Variants in ZNF385D observed in about 807,000 individuals in gnomAD.
ZNF385D encodes the protein zinc finger protein 385D.
In ZNF385D, 15 loss-of-function variants were observed where a neutral mutation model predicts 35.8. The ratio of observed to expected loss-of-function variants is 0.42; its 90% CI spans 0.28 to 0.64. ZNF385D has a LOEUF of 0.64. Among genes scored for constraint, ZNF385D ranks in the 30% least tolerant of loss-of-function variants. The pLI, the probability that ZNF385D is intolerant of heterozygous loss-of-function variation, is 0.23. For synonymous variants in ZNF385D, 212 were observed against 186.8 expected, an observed-to-expected ratio of 1.13 and a Z score of -1.10; for missense variants, 474 against 494.6, an observed-to-expected ratio of 0.96 and a Z score of 0.39.
chr3:21,583,379 T>TATC (rs1400943447), intron 2 of ZNF385D, among the ~76,000 whole-genome samples: 1 of 152,166 alleles, frequency 6.6e-6, no homozygotes, highest in African/African-American at 2.4e-5. Context: ...TAGAATATAC[T>TATC]ATCATCTTAA....
intron 3 of ZNF385D, among the ~76,000 whole-genome samples, chr3:21,756,218 G>T (rs759335435): frequency 2.6e-5 from 4 of 152,192 alleles, no homozygotes; most frequent in Admixed American, 6.5e-5. Context: ...AAACAGTGGC[G>T]GTAGAAAAAG....
chr3:21,609,552 T>G (rs1575313466), intron 2 of ZNF385D, among the ~76,000 whole-genome samples: 1 of 152,310 alleles, frequency 6.6e-6, no homozygotes, highest in South Asian at 2.1e-4. Context: ...AACAAACATG[T>G]CTTCCCATCA....
rs187547765 is a variant in ZNF385D, at chr3:22,005,025, G to A, written c.325+163792C>T. ...CTGAGACCTGCCTTAGATATTTGGGGTTAATACAAGGAACTCAAACCACTC... is the reference window on the plus strand; with the variant it reads ...CTGAGACCTGCCTTAGATATTTGGGATTAATACAAGGAACTCAAACCACTC... On this transcript the variant is annotated intron_variant, in intron 3 of 5. Coordinates refer to the ZNF385D transcript ENST00000494108. Among the ~76,000 whole-genome samples, 295 of 124,080 alleles carry A rather than the reference G, an allele frequency of 2.4e-3. 2 individuals are homozygous for A. The highest frequency in any genetic ancestry group is 8.3e-3 in the African/African-American group (287 of 34,696). 81.4% of individuals were successfully genotyped at this position (124,080 alleles called of 152,430 possible).
chr3:22,155,303 TTTGA>T (rs1705515103), intron 3 of ZNF385D, among the ~76,000 whole-genome samples: 1 of 152,108 alleles, frequency 6.6e-6, no homozygotes, highest in Non-Finnish European at 1.5e-5. Flanking sequence ...GGGTCTCCGC[TTTGA>T]TTTTTTTTCC....
chr3:22,261,799 C>T (rs1202083108), intron 2 of ZNF385D, among the ~76,000 whole-genome samples: 1 of 148,500 alleles, frequency 6.7e-6, no homozygotes, highest in Non-Finnish European at 1.5e-5. Flanking sequence ...AATAAGGTCT[C>T]TCTCTGAGTT....
At chr3:22,006,651 A>C (rs1260963442) in intron 3 of ZNF385D, among the ~76,000 whole-genome samples, 2 of 152,072 alleles carry the variant, frequency 1.3e-5, no homozygotes, top group Admixed American at 1.3e-4. Flanking sequence ...AAGAAAATAG[A>C]AGAGACATTA....
At chr3:21,818,206 G>T (rs547118080) in intron 3 of ZNF385D, among the ~76,000 whole-genome samples, 1 of 152,260 alleles carries the variant, frequency 6.6e-6, no homozygotes. Context: ...GGGAGGGATA[G>T]CACTAGGAGA....
intron 3 of ZNF385D, among the ~76,000 whole-genome samples, chr3:21,953,419 A>C (rs1386106583): frequency 2.0e-5 from 3 of 152,018 alleles, no homozygotes; most frequent in Non-Finnish European, 4.4e-5. Context: ...TTCATCTTTT[A>C]TGACTATATT....
chr3:21,751,057 T>G lies in ZNF385D; in HGVS notation c.-141A>C. Reference sequence around the variant, plus strand: ...GAGCAGTGAGCGCCGAGAGCGTGCCTCCTCCGCGGGATGAGCGCCTTGCAG... The same window carrying G: ...GAGCAGTGAGCGCCGAGAGCGTGCCGCCTCCGCGGGATGAGCGCCTTGCAG... On this transcript the variant is annotated 5_prime_UTR_variant, in exon 1 of 8. Transcript: ENST00000281523. 2 of 1,535,170 alleles carry G rather than the reference T, an allele frequency of 1.3e-6. No individual in the cohort carries two copies. The highest frequency in any genetic ancestry group is 2.5e-5 in the South Asian group (2 of 79,396).
At chr3:21,977,728 C>T (rs942872655) in intron 3 of ZNF385D, among the ~76,000 whole-genome samples, 2 of 151,790 alleles carry the variant, frequency 1.3e-5, no homozygotes, top group African/African-American at 2.4e-5. Flanking sequence ...CCCAGCTACT[C>T]GGGAGGCTGA....
intron 1 of ZNF385D, among the ~76,000 whole-genome samples, chr3:21,668,129 C>T (rs2066461483): frequency 6.6e-6 from 1 of 152,094 alleles, no homozygotes; most frequent in Non-Finnish European, 1.5e-5. Flanking sequence ...CCTTCGGCAC[C>T]AAGGCACTCC....
intron 2 of ZNF385D, among the ~76,000 whole-genome samples, chr3:21,565,901 CAT>C (rs1333852125): frequency 6.6e-6 from 1 of 152,144 alleles, no homozygotes; most frequent in East Asian, 1.9e-4. Flanking sequence ...CCTTCTGTGA[CAT>C]ATTATAGTTC....
intron 2 of ZNF385D, among the ~76,000 whole-genome samples, chr3:21,573,095 A>C (rs979177853): frequency 3.3e-5 from 5 of 152,164 alleles, no homozygotes; most frequent in African/African-American, 1.2e-4. Flanking sequence ...CTTAACCATC[A>C]CACAATATTT....
At chr3:21,670,082 G>A (rs1046986934) in intron 1 of ZNF385D, among the ~76,000 whole-genome samples, 2 of 151,908 alleles carry the variant, frequency 1.3e-5, no homozygotes, top group Admixed American at 6.6e-5. Flanking sequence ...AAATGATCAC[G>A]GATTGCCACT....
intron 3 of ZNF385D, among the ~76,000 whole-genome samples, chr3:22,123,953 TC>T (rs1559386532): frequency 2.1e-5 from 2 of 96,378 alleles, no homozygotes; most frequent in Non-Finnish European, 4.6e-5. Flanking sequence ...TCTCTCTCTC[TC>T]TCTCTCTCTA....
intron 3 of ZNF385D, among the ~76,000 whole-genome samples, chr3:21,783,713 G>C (rs1038343519): frequency 4.6e-5 from 7 of 152,214 alleles, no homozygotes; most frequent in African/African-American, 1.7e-4. Flanking sequence ...CGTAACAGAA[G>C]CACAAAGGCA....
At chr3:21,786,149 G>A (rs549889071) in intron 3 of ZNF385D, among the ~76,000 whole-genome samples, 1 of 152,016 alleles carries the variant, frequency 6.6e-6, no homozygotes, top group Non-Finnish European at 1.5e-5. Context: ...AACGTAAACA[G>A]AACTGGGACT....
chr3:21,755,310 T>A (rs2070291735), upstream of ZNF385D, among the ~76,000 whole-genome samples: 3 of 152,232 alleles, frequency 2.0e-5, no homozygotes, highest in Non-Finnish European at 4.4e-5. Flanking sequence ...GGTATGATCA[T>A]GCCACTCCTT....
chr3:22,071,858 C>G (rs760169573), intron 3 of ZNF385D, among the ~76,000 whole-genome samples: 9 of 152,108 alleles, frequency 5.9e-5, no homozygotes, highest in Non-Finnish European at 1.2e-4. Context: ...CCATCTGTGG[C>G]TGGGGCATTT....
Sources: gnomAD v4.1 joint callset for allele counts (sites outside exome capture counted in the v4.1 genomes callset) on GRCh38, gnomAD v4.1.1 for gene constraint, MANE v1.5 for transcripts, NCBI Gene and HGNC (gene_info 2026-07-23, HGNC 2026-07-21) for gene names.